Variants in DNAH8 observed in about 807,000 individuals in gnomAD.
DNAH8 encodes the protein dynein axonemal heavy chain 8.
DNAH8 carries 382 observed loss-of-function variants against 562.1 expected under a neutral mutation model. The ratio of observed to expected loss-of-function variants is 0.68; its 90% CI spans 0.63 to 0.74. The LOEUF (loss-of-function observed/expected upper bound fraction) is 0.74. DNAH8 is among the 30% of genes least tolerant of loss of function. The pLI is 0.00. For missense variants in DNAH8, 5,203 were observed against 5,620.4 expected (o/e 0.93, Z 2.37); for synonymous variants, 1,881 against 1,919.4 (o/e 0.98, Z 0.52).
intron 88 of DNAH8, among the ~76,000 whole-genome samples, chr6:38,995,509 A>G (rs1319005595): frequency 6.6e-6 from 1 of 152,222 alleles, no homozygotes; most frequent in Non-Finnish European, 1.5e-5. Context: ...CTGTGAAACC[A>G]TCTGGGCTCA....
At chr6:39,028,289 T>C (rs1767428714) in intron 92 of DNAH8, among the ~76,000 whole-genome samples, 1 of 152,212 alleles carries the variant, frequency 6.6e-6, no homozygotes, top group Non-Finnish European at 1.5e-5. Context: ...TTACCTTGGG[T>C]GGCTAAAAAC....
At chr6:38,874,046 CTTTCTTTCTTTCTTTCTTTCTT>C (rs758915832) in intron 52 of DNAH8, among the ~76,000 whole-genome samples, 399 of 29,138 alleles carry the variant, frequency 0.014, 93 homozygotes, top group African/African-American at 0.022. Flanking sequence ...TCTTTTCTTT[CTTTCTTTCTTTCTTTCTTTCTT>C]TTTCTTTCTT....
At chr6:38,904,144 TA>T (rs1460747247) in intron 62 of DNAH8, among the ~76,000 whole-genome samples, 1 of 152,104 alleles carries the variant, frequency 6.6e-6, no homozygotes, top group African/African-American at 2.4e-5. Flanking sequence ...GTTGAATAAA[TA>T]AAAAAATGAC....
rs138176782 is a variant in DNAH8, at chr6:38,734,716, A to T, written c.762+91A>T. 6.5e-6 allele frequency: 9 copies of T among 1,382,136 alleles called. No homozygotes were observed. In the Admixed American group the frequency reaches 9.9e-5, roughly 15 times the overall value. The allele number at this position is 1,382,136 out of a possible 1,614,324, so 85.6% of individuals were successfully genotyped here. On this transcript the variant is annotated intron_variant, in intron 5 of 92. Coordinates refer to ENST00000327475, the MANE Select transcript of DNAH8 (RefSeq NM_001206927.2). Reference sequence around the variant, plus strand: ...GCTTTACTTTGCTTTCCCTTTTTAAATATAGGACTGAATTGAGTTCCAAGA... The same window carrying T: ...GCTTTACTTTGCTTTCCCTTTTTAATTATAGGACTGAATTGAGTTCCAAGA...
Position 39,030,074 on chromosome 6 carries a change from A to T in DNAH8, c.13837-31A>T, listed in dbSNP as rs923441003. On this transcript the variant is annotated intron_variant, in intron 92 of 92. Transcript: ENST00000327475. ...TTTGCAGCACCTAGTTTAAAAAATA[A>T]ATCCTATTACCTTATGCTTGACTCT... 1.1e-5 allele frequency: 18 copies of T among 1,568,498 alleles called. No homozygotes were observed. The African/African-American group carries it at 2.3e-4, about 20-fold the overall frequency.
intron 91 of DNAH8, among the ~76,000 whole-genome samples, chr6:39,018,078 A>T (rs922590646): frequency 6.6e-6 from 1 of 152,192 alleles, no homozygotes. Flanking sequence ...CAAGTCCTAA[A>T]CTTCAACGTG....
At chr6:38,781,520 A>G in intron 16 of DNAH8, 147 bp downstream of exon 16, 1 of 941,608 alleles carries the variant, frequency 1.1e-6, no homozygotes. Flanking sequence ...TTATAAATAT[A>G]CTTGAGAGAG....
intron 82 of DNAH8, among the ~76,000 whole-genome samples, chr6:38,969,839 G>A (rs937602233): frequency 1.3e-5 from 2 of 152,116 alleles, no homozygotes; most frequent in African/African-American, 4.8e-5. Context: ...CCATTGGATG[G>A]TTCTGAGCAG....
chr6:38,736,005 G>C (rs1417206201), intron 5 of DNAH8, among the ~76,000 whole-genome samples: 4 of 152,080 alleles, frequency 2.6e-5, no homozygotes, highest in Admixed American at 2.0e-4. Flanking sequence ...GGGTGTGGTT[G>C]TGCACTCCTG....
In DNAH8 at chr6:38,722,838, C is replaced by G. The variant is rs1762868575; in HGVS notation, c.29C>G (p.Pro10Arg). 2 of 1,604,232 alleles carry G rather than the reference C, an allele frequency of 1.2e-6. No homozygotes were observed. MEKDAEDGA[P>R]SEGAEAPPST... ...GAGAAGGATGCTGAAGATGGCGCCC[C>G]TTCTGAGGGAGCAGAGGCTCCTCCC... Residue 10 changes from proline to arginine, a missense_variant, in exon 2 of 93, where the codon CCT becomes CGT. Coordinates refer to ENST00000327475, the MANE Select transcript of DNAH8 (RefSeq NM_001206927.2).
At chr6:38,984,889 T>C (rs534703765) in intron 87 of DNAH8, among the ~76,000 whole-genome samples, 41 of 152,314 alleles carry the variant, frequency 2.7e-4, no homozygotes, top group African/African-American at 9.6e-4. Flanking sequence ...CTTTCCCATG[T>C]AGATGAAACT....
chr6:38,857,421 T>A, intron 41 of DNAH8, 97 bp from the exon 42 acceptor site: 1 of 744,938 alleles, frequency 1.3e-6, no homozygotes, highest in South Asian at 1.8e-5. Context: ...GTCAATCTCA[T>A]TTTTAGTTTA....
chr6:38,896,663 T>A (rs1321973753), intron 60 of DNAH8, among the ~76,000 whole-genome samples: 1 of 152,016 alleles, frequency 6.6e-6, no homozygotes, highest in Non-Finnish European at 1.5e-5. Context: ...ATTATATAAA[T>A]GTGAAATAAC....
At chr6:39,000,244 A>G (rs893670763) in intron 88 of DNAH8, among the ~76,000 whole-genome samples, 1 of 152,218 alleles carries the variant, frequency 6.6e-6, no homozygotes, top group Non-Finnish European at 1.5e-5. Flanking sequence ...ATGAGGTACA[A>G]TATGGTAAAC....
intron 18 of DNAH8, among the ~76,000 whole-genome samples, chr6:38,789,032 G>A (rs1769449252): frequency 6.6e-6 from 1 of 152,156 alleles, no homozygotes; most frequent in Non-Finnish European, 1.5e-5. Flanking sequence ...TGACTTTGGA[G>A]GATTAGGTTT....
chr6:38,912,242 C>G (rs539532168), intron 66 of DNAH8, among the ~76,000 whole-genome samples: 2 of 152,244 alleles, frequency 1.3e-5, no homozygotes, highest in South Asian at 4.1e-4. Flanking sequence ...GCAAGCGGAT[C>G]ACTTGAGCCC....
intron 79 of DNAH8, among the ~76,000 whole-genome samples, chr6:38,940,206 T>C (rs1296858620): frequency 6.6e-5 from 10 of 152,270 alleles, no homozygotes; most frequent in South Asian, 4.1e-4. Flanking sequence ...ACTGCAGGAA[T>C]ACATTCCTAA....
intron 85 of DNAH8, among the ~76,000 whole-genome samples, chr6:38,978,786 A>G (rs1041091527): frequency 6.6e-6 from 1 of 152,206 alleles, no homozygotes; most frequent in Non-Finnish European, 1.5e-5. Flanking sequence ...TCAGTGTTCT[A>G]AGGAGTTTTT....
At chr6:38,850,183 A>C (rs889798907) in intron 37 of DNAH8, 68 bp from the exon 38 acceptor site, 1 of 1,455,156 alleles carries the variant, frequency 6.9e-7, no homozygotes, top group Non-Finnish European at 9.4e-7. Context: ...GAAAATTCCA[A>C]GGTGAAGACT....
Sources: gnomAD v4.1 joint callset for allele counts (sites outside exome capture counted in the v4.1 genomes callset) on GRCh38, gnomAD v4.1.1 for gene constraint, MANE v1.5 for transcripts, NCBI Gene and HGNC (gene_info 2026-07-23, HGNC 2026-07-21) for gene names.